GABRA3: variants seen among roughly 807,000 people sequenced by gnomAD.
GABRA3 encodes the protein gamma-aminobutyric acid type A receptor subunit alpha3.
In GABRA3, 10 loss-of-function variants were observed where a neutral mutation model predicts 30.1. That is an observed-to-expected ratio of 0.33 (90% CI 0.20 to 0.56). GABRA3 has a LOEUF of 0.56. Among genes scored for constraint, GABRA3 ranks in the 20% least tolerant of loss-of-function variants. The pLI, the probability that GABRA3 is intolerant of heterozygous loss-of-function variation, is 0.89. For synonymous variants in GABRA3, 151 were observed against 146.8 expected, an observed-to-expected ratio of 1.03 and a Z score of -0.21; for missense variants, 233 against 392.0, an observed-to-expected ratio of 0.59 and a Z score of 3.42.
intron 1 of GABRA3, among the ~76,000 whole-genome samples, chrX:152,369,058 CT>C (rs1324480317): frequency 2.7e-5 from 3 of 111,255 alleles, no homozygotes; most frequent in Non-Finnish European, 5.7e-5. Context: ...AATGGCTGTG[CT>C]AATTTGCATT....
At chrX:152,231,689 A>G (rs771851242) in intron 5 of GABRA3, among the ~76,000 whole-genome samples, 1 of 111,685 alleles carries the variant, frequency 9.0e-6, no homozygotes, top group South Asian at 3.7e-4. Flanking sequence ...AACAAAGATA[A>G]ATGAAAACAT....
intron 9 of GABRA3, among the ~76,000 whole-genome samples, chrX:152,182,163 T>C (rs1375900508): frequency 6.4e-5 from 7 of 109,964 alleles, no homozygotes; most frequent in African/African-American, 2.3e-4. Context: ...GACTTCATTC[T>C]GTTAATGTGG....
At chrX:152,395,400 G>A (rs1032417463) in intron 1 of GABRA3, among the ~76,000 whole-genome samples, 1 of 111,431 alleles carries the variant, frequency 9.0e-6, no homozygotes, top group African/African-American at 3.3e-5. Context: ...TTAATGATGG[G>A]TGAGCAATAT....
chrX:152,414,471 A>T (rs1481231839), intron 1 of GABRA3, among the ~76,000 whole-genome samples: 1 of 111,319 alleles, frequency 9.0e-6, no homozygotes, highest in Non-Finnish European at 1.9e-5. Flanking sequence ...TCGCAGATTA[A>T]AACAACAATG....
chrX:152,241,929 G>A (rs1416836318), intron 5 of GABRA3, among the ~76,000 whole-genome samples: 3 of 111,490 alleles, frequency 2.7e-5, no homozygotes, highest in Non-Finnish European at 3.8e-5. Context: ...AGATAAACCC[G>A]GTACCTCAGA....
At chrX:152,362,061 G>C (rs943173961) in intron 2 of GABRA3, among the ~76,000 whole-genome samples, 5 of 110,961 alleles carry the variant, frequency 4.5e-5, no homozygotes, top group Admixed American at 9.6e-5. Flanking sequence ...AGAACAAAAA[G>C]AGTCTTATAT....
At chrX:152,256,520 T>C (rs906188301) in intron 4 of GABRA3, among the ~76,000 whole-genome samples, 1 of 111,354 alleles carries the variant, frequency 9.0e-6, no homozygotes, top group African/African-American at 3.3e-5. Context: ...ATAAATAAGA[T>C]AAAAAACATA....
chrX:152,352,852 C>A (rs1940498792), intron 2 of GABRA3, among the ~76,000 whole-genome samples: 1 of 111,140 alleles, frequency 9.0e-6, no homozygotes, highest in Admixed American at 9.6e-5. Flanking sequence ...GCAAATTCTA[C>A]TACTTCTCTT....
chrX:152,222,588 G>A (rs1291636605), intron 6 of GABRA3, among the ~76,000 whole-genome samples: 4 of 109,181 alleles, frequency 3.7e-5, no homozygotes, highest in Non-Finnish European at 7.6e-5. Context: ...CTTGGTTTTA[G>A]GTCTCATGGG....
At chrX:152,287,790 C>T (rs1939324605) in intron 3 of GABRA3, among the ~76,000 whole-genome samples, 1 of 109,543 alleles carries the variant, frequency 9.1e-6, no homozygotes, top group Non-Finnish European at 1.9e-5. Flanking sequence ...TTTTTTCTTC[C>T]ATCCTTCTTT....
At chrX:152,277,481 G>T (rs1017204696) in intron 4 of GABRA3, among the ~76,000 whole-genome samples, 6 of 110,719 alleles carry the variant, frequency 5.4e-5, no homozygotes, top group African/African-American at 2.0e-4. Context: ...TTTCCCCCCT[G>T]ATTATCCACT....
At chrX:152,303,716 A>G (rs1055211409) in intron 3 of GABRA3, among the ~76,000 whole-genome samples, 1 of 110,794 alleles carries the variant, frequency 9.0e-6, no homozygotes, top group African/African-American at 3.3e-5. Context: ...CAGGAACAGA[A>G]AACCAAACAC....
chrX:152,280,273 G>A (rs1404915950), intron 4 of GABRA3, among the ~76,000 whole-genome samples: 2 of 111,088 alleles, frequency 1.8e-5, no homozygotes, highest in African/African-American at 6.5e-5. Context: ...AAAAGCTCAA[G>A]GACATAGATT....
At chrX:152,259,415 G>C (rs996470952) in intron 4 of GABRA3, among the ~76,000 whole-genome samples, 10 of 111,629 alleles carry the variant, frequency 9.0e-5, no homozygotes, top group African/African-American at 3.3e-4. Context: ...CTAAGGGAGT[G>C]CTGGCTTCAT....
At chrX:152,311,647 G>A (rs1425749529) in intron 3 of GABRA3, among the ~76,000 whole-genome samples, 1 of 111,528 alleles carries the variant, frequency 9.0e-6, no homozygotes, top group African/African-American at 3.3e-5. Context: ...AACAAGACAT[G>A]GATGTCCACT....
chrX:152,187,566 C>A (rs1174626037), intron 9 of GABRA3, among the ~76,000 whole-genome samples: 1 of 111,565 alleles, frequency 9.0e-6, no homozygotes, highest in Non-Finnish European at 1.9e-5. Flanking sequence ...GAGACATGCA[C>A]ACAGACACCT....
At chrX:152,239,666 A>C (rs1938313323) in intron 5 of GABRA3, among the ~76,000 whole-genome samples, 1 of 91,036 alleles carries the variant, frequency 1.1e-5, no homozygotes, top group Non-Finnish European at 2.1e-5. Context: ...TGCTTTATGA[A>C]TCTGGGTGCT....
At chrX:152,384,377 TA>T (rs907365658) in intron 1 of GABRA3, among the ~76,000 whole-genome samples, 2 of 111,540 alleles carry the variant, frequency 1.8e-5, no homozygotes, top group African/African-American at 3.3e-5. Flanking sequence ...AAAGACTATT[TA>T]AAAAAAATTA....
At chrX:152,418,859 C>T (rs1322850889) in intron 1 of GABRA3, among the ~76,000 whole-genome samples, 1 of 111,162 alleles carries the variant, frequency 9.0e-6, no homozygotes, top group Admixed American at 9.6e-5. Flanking sequence ...TATTGCGGCA[C>T]TATTCACAAT....
Sources: gnomAD v4.1 joint callset for allele counts (sites outside exome capture counted in the v4.1 genomes callset) on GRCh38, gnomAD v4.1.1 for gene constraint, MANE v1.5 for transcripts, NCBI Gene and HGNC (gene_info 2026-07-23, HGNC 2026-07-21) for gene names.